The following RGS6 variants were observed in gnomAD, a reference collection of about 807,000 sequenced individuals.
RGS6 encodes the protein regulator of G protein signaling 6.
RGS6 carries 30 observed loss-of-function variants against 78.5 expected under a neutral mutation model. The observed-to-expected ratio is 0.38, with a 90% CI of 0.29 to 0.52. The LOEUF (loss-of-function observed/expected upper bound fraction) is 0.52. Ranked by LOEUF, RGS6 falls within the 20% of genes least tolerant of loss-of-function variation. RGS6 has a pLI of 0.85. For synonymous variants in RGS6, 206 were observed against 206.0 expected (o/e 1.00, Z 0.00); for missense variants, 495 against 609.7 (o/e 0.81, Z 1.98).
intron 13 of RGS6, among the ~76,000 whole-genome samples, chr14:72,499,778 AG>A (rs1555438896): frequency 6.6e-6 from 1 of 151,898 alleles, no homozygotes; most frequent in Non-Finnish European, 1.5e-5. Context: ...TTCTCATTCA[AG>A]TCTCACTCAG....
the RGS6 span, among the ~76,000 whole-genome samples, chr14:72,609,411 T>C: frequency 6.6e-6 from 1 of 152,184 alleles, no homozygotes; most frequent in African/African-American, 2.4e-5. Flanking sequence ...TTCCAATCTG[T>C]AGGTTCTCCT....
chr14:72,243,821 C>T (rs550464286), intron 2 of RGS6, among the ~76,000 whole-genome samples: 1 of 151,556 alleles, frequency 6.6e-6, no homozygotes, highest in African/African-American at 2.4e-5. Flanking sequence ...CAGTCTGGGA[C>T]AAAGCGACTT....
chr14:71,991,382 G>GA (rs1436014366), intron 2 of RGS6, among the ~76,000 whole-genome samples: 1 of 151,888 alleles, frequency 6.6e-6, no homozygotes, highest in African/African-American at 2.4e-5. Context: ...GAGAGGATGA[G>GA]AAAAAAACAG....
intron 2 of RGS6, among the ~76,000 whole-genome samples, chr14:72,178,666 A>G (rs975018979): frequency 6.6e-6 from 1 of 152,212 alleles, no homozygotes; most frequent in Non-Finnish European, 1.5e-5. Context: ...GGGTTTTGCC[A>G]AAAGCCCTAC....
At chr14:72,150,676 C>A (rs1567318417) in intron 2 of RGS6, among the ~76,000 whole-genome samples, 1 of 151,990 alleles carries the variant, frequency 6.6e-6, no homozygotes, top group Non-Finnish European at 1.5e-5. Flanking sequence ...GTGCTACATA[C>A]TTCTAAACAA....
At chr14:71,916,166 C>G in the RGS6 span, among the ~76,000 whole-genome samples, 1 of 152,326 alleles carries the variant, frequency 6.6e-6, no homozygotes, top group South Asian at 2.1e-4. Flanking sequence ...GTCCCCTCTG[C>G]TTTTGTGGTT....
intron 2 of RGS6, among the ~76,000 whole-genome samples, chr14:72,257,874 T>A (rs1248292674): frequency 6.6e-6 from 1 of 152,192 alleles, no homozygotes; most frequent in African/African-American, 2.4e-5. Flanking sequence ...AAAGAAGAGT[T>A]CTACTGCTTA....
chr14:72,165,033 C>G (rs1045545300), intron 2 of RGS6, among the ~76,000 whole-genome samples: 1 of 152,252 alleles, frequency 6.6e-6, no homozygotes, highest in Non-Finnish European at 1.5e-5. Flanking sequence ...GAAAGGTCCT[C>G]CTCTTCTGTC....
At chr14:72,087,117 A>T (rs531793337) in intron 2 of RGS6, among the ~76,000 whole-genome samples, 11 of 152,160 alleles carry the variant, frequency 7.2e-5, no homozygotes, top group African/African-American at 1.9e-4. Flanking sequence ...ATTCATTTTT[A>T]TTTTATTTTA....
intron 3 of RGS6, among the ~76,000 whole-genome samples, chr14:72,360,846 C>T (rs746097051): frequency 1.3e-5 from 2 of 152,062 alleles, no homozygotes; most frequent in Non-Finnish European, 2.9e-5. Flanking sequence ...CCGCACATGT[C>T]GAGGGAGATA....
intron 2 of RGS6, among the ~76,000 whole-genome samples, chr14:72,325,102 G>A (rs1383951254): frequency 2.6e-5 from 4 of 152,126 alleles, no homozygotes; most frequent in African/African-American, 7.2e-5. Flanking sequence ...TTCTCTGATG[G>A]CCAGTGATGA....
chr14:71,881,263 A>G, the RGS6 span, among the ~76,000 whole-genome samples: 11 of 152,202 alleles, frequency 7.2e-5, no homozygotes, highest in African/African-American at 2.7e-4. Context: ...GCCTTAGATC[A>G]GACTTTGGAC....
chr14:72,510,156 A>G lies in RGS6; in HGVS notation c.968A>G (p.Lys323Arg). The change falls in exon 14 of 18, where the codon AAA becomes AGA. Residue 323 changes from lysine to arginine, a missense_variant and splice_region_variant. Lys to Arg is a conservative substitution (Grantham distance 26). Coordinates refer to ENST00000553525, the MANE Select transcript of RGS6 (RefSeq NM_001204424.2). ...AACCTTCTTCCTTCACCCCAAAGCA[A>G]AGAGCCCAGCCAACAGCGAGTAAAA... ...DVALWDIEMS[K>R]EPSQQRVKRW... 2.5e-6 allele frequency: 4 copies of G among 1,602,124 alleles called. No individual in the cohort carries two copies. The highest frequency in any genetic ancestry group is 3.4e-6 in the Non-Finnish European group (4 of 1,175,984).
chr14:72,487,075 C>T (rs1306003677), intron 12 of RGS6, among the ~76,000 whole-genome samples: 3 of 151,978 alleles, frequency 2.0e-5, no homozygotes, highest in Non-Finnish European at 4.4e-5. Context: ...GCTAAATGCC[C>T]AGGTCACCCA....
At chr14:72,316,224 G>C (rs577708259) in intron 2 of RGS6, among the ~76,000 whole-genome samples, 3 of 152,246 alleles carry the variant, frequency 2.0e-5, no homozygotes, top group African/African-American at 7.2e-5. Flanking sequence ...ATTCTCTTTT[G>C]TCTTTTTATT....
intron 17 of RGS6, chr14:72,541,536 TG>T: frequency 6.5e-7 from 1 of 1,535,732 alleles, no homozygotes; most frequent in Non-Finnish European, 8.7e-7. Flanking sequence ...AATGGCCGTG[TG>T]GCTCCGCACA....
intron 1 of RGS6, among the ~76,000 whole-genome samples, chr14:71,958,516 G>A (rs774221021): frequency 6.6e-5 from 10 of 152,202 alleles, no homozygotes; most frequent in Non-Finnish European, 1.3e-4. Context: ...AGAAACTAAG[G>A]CCCAGTGGGG....
intron 2 of RGS6, among the ~76,000 whole-genome samples, chr14:72,303,089 T>A (rs1345691489): frequency 6.6e-6 from 1 of 152,206 alleles, no homozygotes; most frequent in Non-Finnish European, 1.5e-5. Context: ...ATTAGCAGCA[T>A]GAGAACAGAC....
chr14:72,105,785 T>C (rs552974099), intron 2 of RGS6, among the ~76,000 whole-genome samples: 7 of 152,366 alleles, frequency 4.6e-5, no homozygotes, highest in African/African-American at 1.7e-4. Flanking sequence ...TTCTAAATAG[T>C]TCCATAGCAG....
Sources: gnomAD v4.1 joint callset for allele counts (sites outside exome capture counted in the v4.1 genomes callset) on GRCh38, gnomAD v4.1.1 for gene constraint, MANE v1.5 for transcripts, NCBI Gene and HGNC (gene_info 2026-07-23, HGNC 2026-07-21) for gene names.